The following CR1 variants were observed in gnomAD, a reference collection of about 807,000 sequenced individuals.
CR1 encodes the protein complement receptor type 1.
CR1 carries 116 observed loss-of-function variants against 187.3 expected under a neutral mutation model. That is an observed-to-expected ratio of 0.62 (90% CI 0.53 to 0.72). The LOEUF (loss-of-function observed/expected upper bound fraction) is 0.72. Ranked by LOEUF, CR1 falls within the 30% of genes least tolerant of loss-of-function variation. The probability of loss-of-function intolerance (pLI) is 0.00; values close to 1 mark genes in which losing one functional copy is unlikely to be tolerated. For missense variants in CR1, 1,731 were observed against 2,110.7 expected, an observed-to-expected ratio of 0.82 and a Z score of 3.52; for synonymous variants, 576 against 747.1, an observed-to-expected ratio of 0.77 and a Z score of 3.73.
chr1:207,506,151 A>C, intron 2 of CR1, 68 bp downstream of exon 2: 1 of 1,559,732 alleles, frequency 6.4e-7, no homozygotes, highest in Non-Finnish European at 8.7e-7. Context: ...CAATTTGTTC[A>C]AATTTTGTAA....
intron 39 of CR1, 92 bp from the exon 40 acceptor site, chr1:207,614,312 T>C: frequency 2.1e-6 from 2 of 952,980 alleles, no homozygotes; most frequent in Non-Finnish European, 3.3e-6. Flanking sequence ...GAGGAGGAAA[T>C]GGTAGTGAGG....
intron 35 of CR1, among the ~76,000 whole-genome samples, chr1:207,597,741 C>T (rs949387862): frequency 2.6e-5 from 4 of 152,270 alleles, no homozygotes; most frequent in Middle Eastern, 3.4e-3. Flanking sequence ...AATTCTGCTC[C>T]TAGGCATATA....
chr1:207,579,801 C>G (rs1362920539), intron 29 of CR1, among the ~76,000 whole-genome samples: 1 of 152,194 alleles, frequency 6.6e-6, no homozygotes, highest in Non-Finnish European at 1.5e-5. Context: ...TGTCTAGCAC[C>G]ACTGGCTCAT....
At chr1:207,506,861 A>G (rs1455681573) in intron 3 of CR1, 48 bp downstream of exon 3, 3 of 1,434,566 alleles carry the variant, frequency 2.1e-6, no homozygotes, top group African/African-American at 2.8e-5. Context: ...AAGAGTTCTA[A>G]CACAGCCTTA....
chr1:207,508,907 T>C (rs1284787279), intron 3 of CR1, among the ~76,000 whole-genome samples: 2 of 152,202 alleles, frequency 1.3e-5, no homozygotes, highest in Admixed American at 6.5e-5. Context: ...TCTCTGTCTC[T>C]GCCTATGTAA....
intron 4 of CR1, among the ~76,000 whole-genome samples, chr1:207,518,649 G>A (rs1052212721): frequency 6.6e-6 from 1 of 152,138 alleles, no homozygotes; most frequent in Non-Finnish European, 1.5e-5. Context: ...GCTGGCAATC[G>A]TTGATGTTCC....
chr1:207,506,643 G>A (rs1659442465), intron 2 of CR1, 71 bp from the exon 3 acceptor site: 2 of 1,258,212 alleles, frequency 1.6e-6, no homozygotes, highest in Non-Finnish European at 2.3e-6. Context: ...CAGGCAGGTT[G>A]AGACCTTATG....
chr1:207,513,762 CCCTTCCTT>C (rs1166231012), intron 4 of CR1, among the ~76,000 whole-genome samples: 5 of 99,134 alleles, frequency 5.0e-5, no homozygotes, highest in African/African-American at 2.0e-4. Context: ...CTCCCTCCCT[CCCTTCCTT>C]CCTTCCTTCC....
chr1:207,501,360 C>T (rs368113223), intron 1 of CR1, among the ~76,000 whole-genome samples: 3 of 152,100 alleles, frequency 2.0e-5, no homozygotes, highest in Non-Finnish European at 2.9e-5. Context: ...TATAAGTAAT[C>T]GAATTGTACA....
At position 207,502,133 on chromosome 1, in the gene CR1, A is replaced by G. The variant is rs561965562; in HGVS notation, c.122-3771A>G. ...CATTGAGTTCTTATAATTGAGTGTT[A>G]AGCACCAGGACTAAGTATTAATTTA... is the stretch of plus-strand genomic sequence containing the variant. On this transcript the variant is annotated intron_variant, in intron 1 of 46. Coordinates refer to ENST00000367049, the MANE Select transcript of CR1 (RefSeq NM_000651.6). 2.6e-5 allele frequency among the ~76,000 whole-genome samples: 4 copies of G among 152,316 alleles called. No homozygotes were observed. In the South Asian group the frequency reaches 6.2e-4, roughly 24 times the overall value.
chr1:207,554,632 A>T (rs1399001733), intron 19 of CR1, among the ~76,000 whole-genome samples: 1 of 29,954 alleles, frequency 3.3e-5, no homozygotes, highest in Non-Finnish European at 4.9e-5. Context: ...TTCAAGTTTC[A>T]CTATTTAAGA....
At chr1:207,603,610 T>C (rs903764255) in intron 35 of CR1, among the ~76,000 whole-genome samples, 4 of 152,160 alleles carry the variant, frequency 2.6e-5, no homozygotes, top group Admixed American at 6.5e-5. Context: ...TATATAGATA[T>C]ATTTTAAGCC....
intron 31 of CR1, among the ~76,000 whole-genome samples, chr1:207,581,254 A>T (rs1660935008): frequency 6.6e-6 from 1 of 150,812 alleles, no homozygotes; most frequent in Non-Finnish European, 1.5e-5. Flanking sequence ...ATGGACACGT[A>T]TATGTAGACG....
rs1407276317 is a variant in CR1 at position 207,589,638 on chromosome 1, CT to C, written c.5810+866del. 2.0e-5 allele frequency among the ~76,000 whole-genome samples: 3 copies of C among 152,288 alleles called. No homozygotes were observed. The East Asian group carries it at 5.8e-4, about 29-fold the overall frequency. On this transcript the variant is annotated intron_variant, in intron 35 of 46. Coordinates refer to ENST00000367049, the MANE Select transcript of CR1 (RefSeq NM_000651.6). ...AGTTGGACAGATTGACAGAAGTAGG[CT>C]TCAGAAGGTGGGTAATAACAAACTC...
At chr1:207,502,288 A>AT (rs1659294966) in intron 1 of CR1, among the ~76,000 whole-genome samples, 1 of 152,228 alleles carries the variant, frequency 6.6e-6, no homozygotes, top group Non-Finnish European at 1.5e-5. Flanking sequence ...AATTATTGAT[A>AT]TGAAAGGAAA....
At chr1:207,504,309 G>A (rs190034159) in intron 1 of CR1, among the ~76,000 whole-genome samples, 83 of 152,260 alleles carry the variant, frequency 5.5e-4, no homozygotes, top group African/African-American at 1.9e-3. Flanking sequence ...AGTAAACAAA[G>A]TAGAATTTTA....
intron 46 of CR1, among the ~76,000 whole-genome samples, chr1:207,631,596 CT>C (rs1662648128): frequency 1.3e-5 from 2 of 152,312 alleles, no homozygotes; most frequent in East Asian, 3.9e-4. Flanking sequence ...TCATTGGATA[CT>C]CCTCTCTTTT....
chr1:207,578,231 C>T, intron 29 of CR1, 28 bp downstream of exon 29: 1 of 1,611,646 alleles, frequency 6.2e-7, no homozygotes. Context: ...CTAGAAGGGC[C>T]CTGCCAGTGA....
At chr1:207,510,728 T>TCCTTCCTTCCTA (rs1369985755) in intron 3 of CR1, among the ~76,000 whole-genome samples, 169 of 150,570 alleles carry the variant, frequency 1.1e-3, no homozygotes, top group African/African-American at 4.0e-3. Flanking sequence ...TGTATCCCCT[T>TCCTTCCTTCCTA]CCTTCCTTCC....
Sources: allele counts gnomAD v4.1 joint callset (sites outside exome capture counted in the v4.1 genomes callset), GRCh38; gene constraint gnomAD v4.1.1; transcripts MANE v1.5; gene names NCBI Gene and HGNC (gene_info 2026-07-23, HGNC 2026-07-21).